DHRS7C: variants seen among roughly 807,000 people sequenced by gnomAD.
DHRS7C encodes the protein dehydrogenase/reductase 7C.
DHRS7C carries 28 observed loss-of-function variants against 29.6 expected under a neutral mutation model. That is an observed-to-expected ratio of 0.95 (90% CI 0.70 to 1.30). The LOEUF (loss-of-function observed/expected upper bound fraction) is 1.30. Among genes scored for constraint, DHRS7C ranks in the 50% most tolerant of loss-of-function variants. The probability of loss-of-function intolerance (pLI) is 0.00; values close to 1 mark genes in which losing one functional copy is unlikely to be tolerated. For missense variants in DHRS7C, 403 were observed against 393.3 expected (o/e 1.02, Z -0.21); for synonymous variants, 158 against 160.2 (o/e 0.99, Z 0.10).
intron 1 of DHRS7C, among the ~76,000 whole-genome samples, chr17:9,787,190 C>T (rs2066428918): frequency 6.6e-6 from 1 of 152,210 alleles, no homozygotes; most frequent in Non-Finnish European, 1.5e-5. Context: ...AGGTCATCCC[C>T]CTGCTTCGGT....
Position 9,784,094 on chromosome 17 carries a change from C to T in DHRS7C, c.155-2500G>A, listed in dbSNP as rs183122689. 1.2e-3 allele frequency among the ~76,000 whole-genome samples: 189 copies of T among 151,736 alleles called. 1 individual carries two copies. The highest frequency in any genetic ancestry group is 0.01 in the Middle Eastern group (3 of 294). On this transcript the variant is annotated intron_variant, in intron 1 of 5. Transcript: ENST00000571134. ...AGACGAAGATAGAGATGAATATATACCCTTGCATTGGGGAGGACTCCTGAG... is the reference window on the plus strand; with the variant it reads ...AGACGAAGATAGAGATGAATATATATCCTTGCATTGGGGAGGACTCCTGAG...
chr17:9,772,728 G>A (rs1213083408), intron 5 of DHRS7C, 39 bp downstream of exon 5: 1 of 1,608,850 alleles, frequency 6.2e-7, no homozygotes. Flanking sequence ...GACTGTTCCC[G>A]AGGCCCCCAG....
At chr17:9,776,040 A>G (rs1267622347) in intron 4 of DHRS7C, among the ~76,000 whole-genome samples, 3 of 152,232 alleles carry the variant, frequency 2.0e-5, no homozygotes, top group Non-Finnish European at 2.9e-5. Context: ...CGTCCCTACT[A>G]AAAAATACAA....
rs1452804843 is a variant in DHRS7C at position 9,781,466 on chromosome 17, T to G, written c.267+16A>C. On this transcript the variant is annotated intron_variant, in intron 2 of 5. Transcript: ENST00000571134. ...GTTCCCAGGAGTTACCCACGCCTAC[T>G]GCTAGAAGACCTTACCTTGCTGGGG... The G allele has an allele frequency of 6.2e-7, 1 of 1,613,310 alleles. No homozygotes were observed. The highest frequency in any genetic ancestry group is 2.2e-5 in the East Asian group (1 of 44,860).
intron 1 of DHRS7C, among the ~76,000 whole-genome samples, chr17:9,786,216 A>C (rs1567703676): frequency 6.6e-6 from 1 of 151,484 alleles, no homozygotes; most frequent in Non-Finnish European, 1.5e-5. Flanking sequence ...AATCCCAGCT[A>C]CTCCGGAGGC....
chr17:9,787,750 C>G (rs1387639691), intron 1 of DHRS7C, among the ~76,000 whole-genome samples: 1 of 152,088 alleles, frequency 6.6e-6, no homozygotes, highest in Non-Finnish European at 1.5e-5. Flanking sequence ...CTCTGTCGCC[C>G]AGACTGGAGT....
chr17:9,781,549 C>T lies in DHRS7C; in HGVS notation c.200G>A (p.Cys67Tyr). The part of the protein sequence containing the change: ...FHTGGARLVL[C>Y]GKNWERLENL... ...CTCTAGCCTCTCCCAGTTCTTTCCA[C>T]ACAGCACCAGCCTTGCCCCACCTGT... The change falls in exon 2 of 6, where the codon TGT becomes TAT. Residue 67 changes from cysteine (C) to tyrosine (Y), a missense_variant. Physicochemically the swap from Cys to Tyr is radical, Grantham distance 194. Coordinates refer to ENST00000571134, the MANE Select transcript of DHRS7C (RefSeq NM_001105571.3). 1 of 1,613,998 alleles carries T rather than the reference C, an allele frequency of 6.2e-7. No homozygotes were observed. The highest frequency in any genetic ancestry group is 8.5e-7 in the Non-Finnish European group (1 of 1,179,888).
At chr17:9,781,758 T>C (rs2066394660) in intron 1 of DHRS7C, among the ~76,000 whole-genome samples, 164 bp from the exon 2 acceptor site, 1 of 152,194 alleles carries the variant, frequency 6.6e-6, no homozygotes, top group Admixed American at 6.5e-5. Flanking sequence ...GCTGGAATTT[T>C]TGTCATTTCC....
intron 1 of DHRS7C, among the ~76,000 whole-genome samples, chr17:9,787,547 A>G (rs894770697): frequency 4.6e-5 from 7 of 152,110 alleles, no homozygotes; most frequent in Admixed American, 3.3e-4. Context: ...CTATTCTTTT[A>G]TCAGCTCAGC....
chr17:9,789,000 G>A (rs1392602613), intron 1 of DHRS7C, among the ~76,000 whole-genome samples: 1 of 152,184 alleles, frequency 6.6e-6, no homozygotes, highest in African/African-American at 2.4e-5. Flanking sequence ...CTCATGAGAT[G>A]TATTTCCTGG....
chr17:9,771,474 T>G lies in DHRS7C; in HGVS notation c.*14A>C. 1.4e-6 allele frequency: 2 copies of G among 1,479,950 alleles called. No individual in the cohort carries two copies. Among genetic ancestry groups the G allele is most frequent in the Non-Finnish European group, 1.8e-6 (2 of 1,108,682 alleles). The allele number at this position is 1,479,950 out of a possible 1,614,324, so 91.7% of individuals were successfully genotyped here. On this transcript the variant is annotated 3_prime_UTR_variant, in exon 6 of 6. Coordinates refer to ENST00000571134, the MANE Select transcript of DHRS7C (RefSeq NM_001105571.3). The stretch of plus-strand genomic sequence containing the variant: ...CCTTTATTTCCAAGGGGTGGCCCAT[T>G]TGGCCTCCTGCAGTTACCCCTCCTC...
intron 5 of DHRS7C, 98 bp downstream of exon 5, chr17:9,772,669 T>G: frequency 2.8e-6 from 4 of 1,445,480 alleles, no homozygotes; most frequent in East Asian, 2.4e-5. Context: ...CCCAGACTCA[T>G]GTTTCAGGAG....
At chr17:9,787,197 C>T (rs1402456493) in intron 1 of DHRS7C, among the ~76,000 whole-genome samples, 5 of 152,202 alleles carry the variant, frequency 3.3e-5, no homozygotes, top group Non-Finnish European at 7.3e-5. Flanking sequence ...CCCCCTGCTT[C>T]GGTCTCCCAA....
intron 1 of DHRS7C, among the ~76,000 whole-genome samples, chr17:9,787,575 C>A (rs1567704225): frequency 6.6e-6 from 1 of 152,188 alleles, no homozygotes. Flanking sequence ...TCGCATCGAG[C>A]ACTTTGGTAC....
intron 2 of DHRS7C, among the ~76,000 whole-genome samples, chr17:9,780,970 C>T (rs1026553675): frequency 6.6e-6 from 1 of 152,160 alleles, no homozygotes; most frequent in Non-Finnish European, 1.5e-5. Flanking sequence ...CCAGCAAATG[C>T]AACCTCAAAG....
In DHRS7C at chr17:9,775,363, C is replaced by T. The variant is rs977723051; in HGVS notation, c.571+1830G>A. On this transcript the variant is annotated intron_variant, in intron 4 of 5. Coordinates refer to ENST00000571134, the MANE Select transcript of DHRS7C (RefSeq NM_001105571.3). This position sits in a 1 kb window ranked among gnomAD's most constrained non-coding sequence, Gnocchi z 4.2. Reference sequence around the variant, plus strand: ...CCAGGTGGACTGCACTTCCCAGCGTCCCTTGCACTTAGGTGCGACTGAGTT... The same window carrying T: ...CCAGGTGGACTGCACTTCCCAGCGTTCCTTGCACTTAGGTGCGACTGAGTT... Among the ~76,000 whole-genome samples, 2 of 152,206 alleles carry T rather than the reference C, an allele frequency of 1.3e-5. No homozygotes were observed. The highest frequency in any genetic ancestry group is 2.9e-5 in the Non-Finnish European group (2 of 68,042).
At chr17:9,782,977 G>C (rs2066401648) in intron 1 of DHRS7C, 1 of 152,342 alleles carries the variant, frequency 6.6e-6, no homozygotes, top group African/African-American at 2.4e-5. Flanking sequence ...CAGTTGGCCA[G>C]GGTTTGGTAA....
At position 9,772,926 on chromosome 17, in the gene DHRS7C, C is replaced by T. The variant is rs1239026540; in HGVS notation, c.572-4G>A. The stretch of plus-strand genomic sequence containing the variant: ...GCTGCGTGCTTGGAGGCAGCGTCTG[C>T]GAGACAAACCATCCGGAGGTGGGCG... On this transcript the variant is annotated splice_region_variant and splice_polypyrimidine_tract_variant and intron_variant, in intron 4 of 5. Coordinates refer to ENST00000571134, the MANE Select transcript of DHRS7C (RefSeq NM_001105571.3). 2 of 1,613,178 alleles carry T rather than the reference C, an allele frequency of 1.2e-6. No homozygotes were observed. The highest frequency in any genetic ancestry group is 2.2e-5 in the East Asian group (1 of 44,848).
In DHRS7C at chr17:9,791,562, A is replaced by G. The variant is rs1646743785; in HGVS notation, c.-278T>C. 6.6e-6 allele frequency among the ~76,000 whole-genome samples: 1 copy of G among 152,246 alleles called. No homozygotes were observed. The highest frequency in any genetic ancestry group is 6.5e-5 in the Admixed American group (1 of 15,284). On this transcript the variant is annotated 5_prime_UTR_variant, in exon 1 of 6. It removes an upstream start codon present in the reference 5' UTR. Coordinates refer to ENST00000571134, the MANE Select transcript of DHRS7C (RefSeq NM_001105571.3). ...GGTCTGCATTTTTGGAAGAAAATCC[A>G]TGTGTTAAGGCCACTTGCTTGGGCC... is the stretch of plus-strand genomic sequence containing the variant.
Sources: gnomAD v4.1 joint callset for allele counts (sites outside exome capture counted in the v4.1 genomes callset) on GRCh38, gnomAD v4.1.1 for gene constraint, Gnocchi (gnomAD v3.1) non-coding constraint, MANE v1.5 for transcripts, NCBI Gene and HGNC (gene_info 2026-07-23, HGNC 2026-07-21) for gene names.